Variants in ABCG2 observed in about 807,000 individuals in gnomAD.
The protein encoded by ABCG2 is broad substrate specificity ATP-binding cassette transporter ABCG2.
In ABCG2, 80 loss-of-function variants were observed where a neutral mutation model predicts 73.5. The ratio of observed to expected loss-of-function variants is 1.09; its 90% CI spans 0.91 to 1.31. ABCG2 has a LOEUF of 1.31. Ranked by LOEUF, ABCG2 falls within the 50% of genes most tolerant of loss-of-function variation. The probability of loss-of-function intolerance (pLI) is 0.00; values close to 1 mark genes in which losing one functional copy is unlikely to be tolerated. For missense variants in ABCG2, 796 were observed against 786.2 expected (o/e 1.01, Z -0.15); for synonymous variants, 269 against 282.4 (o/e 0.95, Z 0.48).
intron 10 of ABCG2, among the ~76,000 whole-genome samples, chr4:88,102,190 A>G (rs570628634): frequency 1.3e-5 from 2 of 152,332 alleles, no homozygotes; most frequent in South Asian, 4.1e-4. Context: ...AGGTTTCCAG[A>G]GTGCTCAGAG....
At chr4:88,092,450 C>T in intron 15 of ABCG2, 69 bp from the exon 16 acceptor site, 1 of 1,519,450 alleles carries the variant, frequency 6.6e-7, no homozygotes, top group South Asian at 1.3e-5. Flanking sequence ...AGTATATCCA[C>T]TGTTCCTTAA....
chr4:88,130,150 A>G (rs1407357309), intron 5 of ABCG2, among the ~76,000 whole-genome samples: 1 of 152,162 alleles, frequency 6.6e-6, no homozygotes, highest in Non-Finnish European at 1.5e-5. Flanking sequence ...GGGGTCCCCA[A>G]CTTCTGGGGA....
chr4:88,213,721 T>C lies in ABCG2; in HGVS notation c.-20+17273A>G, dbSNP rs149439387. Among the ~76,000 whole-genome samples, 24 of 152,130 alleles carry C rather than the reference T, an allele frequency of 1.6e-4. No individual in the cohort carries two copies. The South Asian group carries it at 2.3e-3, about 14-fold the overall frequency. On this transcript the variant is annotated intron_variant, in intron 1 of 15. Transcript: ENST00000515655. ...GTTTTTGAGACAGAGTCTTGCTCTG[T>C]CTCCAGGCTAGAGTGCAGTGGTGCG...
At chr4:88,130,386 T>C (rs574464207) in intron 5 of ABCG2, among the ~76,000 whole-genome samples, 1 of 151,834 alleles carries the variant, frequency 6.6e-6, no homozygotes, top group Non-Finnish European at 1.5e-5. Flanking sequence ...CACCCCCAAA[T>C]GGGACCATCT....
At chr4:88,161,138 C>T (rs1181797082), upstream of ABCG2, among the ~76,000 whole-genome samples, 3 of 151,212 alleles carry the variant, frequency 2.0e-5, no homozygotes, top group African/African-American at 7.3e-5. Flanking sequence ...ACACAGGGAG[C>T]CCCTGTCTCT....
intron 1 of ABCG2, among the ~76,000 whole-genome samples, chr4:88,225,148 G>T (rs545895434): frequency 5.9e-5 from 9 of 152,242 alleles, no homozygotes; most frequent in African/African-American, 2.2e-4. Context: ...TACAGCAGGG[G>T]TTGGTAAACT....
intron 9 of ABCG2, among the ~76,000 whole-genome samples, chr4:88,108,836 G>A (rs1722932104): frequency 6.6e-6 from 1 of 152,006 alleles, no homozygotes; most frequent in Non-Finnish European, 1.5e-5. Context: ...GAAATTTTGG[G>A]GGGAAATCCA....
rs762248204 is a variant in ABCG2, at chr4:88,113,376, CAGA to C, written c.1118_1120del (p.Phe373del). On this transcript the variant is annotated inframe_deletion, in exon 9 of 16. Transcript: ENST00000237612. ...CTTGGAAACCCATCTGAGTTGATGA[CAGA>C]AGGAGGTGGTGTAGCTGATCTCCTT... 50 of 1,614,052 alleles carry C rather than the reference CAGA, an allele frequency of 3.1e-5. No individual in the cohort carries two copies. The highest frequency in any genetic ancestry group is 4.1e-5 in the Non-Finnish European group (48 of 1,180,022).
intron 1 of ABCG2, among the ~76,000 whole-genome samples, chr4:88,211,438 A>T (rs1729595522): frequency 7.6e-6 from 1 of 131,076 alleles, no homozygotes; most frequent in Admixed American, 9.3e-5. Flanking sequence ...TCTTTTTGAG[A>T]TGGAGTCTCA....
intron 1 of ABCG2, among the ~76,000 whole-genome samples, chr4:88,172,294 C>CAAA (rs397815020): frequency 4.5e-5 from 6 of 133,776 alleles, no homozygotes; most frequent in Non-Finnish European, 8.0e-5. Flanking sequence ...AGCTCCGTCA[C>CAAA]AAAAAAAAAA....
In ABCG2 at chr4:88,125,406, A is replaced by G. The variant is rs192491356; in HGVS notation, c.532-3614T>C. On this transcript the variant is annotated intron_variant, in intron 5 of 15. Transcript: ENST00000237612. ...GGCGGATCATGAGGTCAGGAGATCA[A>G]GACCATCCTGGCTAACGTGGTGAAA... 4.6e-5 allele frequency among the ~76,000 whole-genome samples: 7 copies of G among 152,092 alleles called. No individual in the cohort carries two copies. In the East Asian group the frequency reaches 1.4e-3, roughly 29 times the overall value.
chr4:88,196,819 C>CT (rs1728954300), intron 1 of ABCG2, among the ~76,000 whole-genome samples: 1 of 151,362 alleles, frequency 6.6e-6, no homozygotes, highest in South Asian at 2.1e-4. Flanking sequence ...TAGCATCGGA[C>CT]TGCGCAGGGA....
At chr4:88,209,571 C>T (rs189943283) in intron 1 of ABCG2, among the ~76,000 whole-genome samples, 10 of 151,842 alleles carry the variant, frequency 6.6e-5, no homozygotes, top group African/African-American at 1.7e-4. Flanking sequence ...GCAGAAGAAT[C>T]GCTTGAACCT....
rs188296756 is a variant in ABCG2, at chr4:88,198,011, C to T, written c.-20+32983G>A. 2.7e-3 allele frequency among the ~76,000 whole-genome samples: 369 copies of T among 138,872 alleles called. 8 individuals are homozygous for T. The highest frequency in any genetic ancestry group is 0.026 in the Admixed American group (341 of 13,162). 91.1% of individuals were successfully genotyped at this position (138,872 alleles called of 152,430 possible). On this transcript the variant is annotated intron_variant, in intron 1 of 15. Coordinates refer to the ABCG2 transcript ENST00000515655. ...CACCACTGCACTCCAGCCTGAGTGA[C>T]GGAGCAAGACTGTCTCCAAAAAAAA...
chr4:88,123,690 T>C (rs1724179048), intron 5 of ABCG2, among the ~76,000 whole-genome samples: 3 of 152,274 alleles, frequency 2.0e-5, no homozygotes, highest in East Asian at 1.9e-4. Context: ...CTACGTTTTA[T>C]TGGTGTACCT....
In ABCG2 at chr4:88,090,360, A is replaced by G. The variant is rs539639015; in HGVS notation, c.*1874T>C. Reference sequence around the variant, plus strand: ...TTTTGTGTAAAAAGTATAGATAGATATTTCTCTCTGTGTAATAAGGGAAGG... The same window carrying G: ...TTTTGTGTAAAAAGTATAGATAGATGTTTCTCTCTGTGTAATAAGGGAAGG... On this transcript the variant is annotated 3_prime_UTR_variant, in exon 16 of 16. Coordinates refer to ENST00000237612, the MANE Select transcript of ABCG2 (RefSeq NM_004827.3). The G allele has an allele frequency of 3.0e-4, 46 of 152,244 alleles. 1 individual carries two copies. The highest frequency in any genetic ancestry group is 1.1e-3 in the African/African-American group (44 of 41,542). The allele number at this position is 152,244 out of a possible 1,614,324, so 9.4% of individuals were successfully genotyped here.
rs1425415650 is a variant in ABCG2 at position 88,095,599 on chromosome 4, C to T, written c.1658G>A (p.Gly553Asp). 1 of 1,613,550 alleles carries T rather than the reference C, an allele frequency of 6.2e-7. No homozygotes were observed. Among genetic ancestry groups the T allele is most frequent in the East Asian group, 2.2e-5 (1 of 44,840 alleles). The change falls in exon 14 of 16, where the codon GGT becomes GAT. Residue 553 changes from glycine (G) to aspartate (D), a missense_variant. By Grantham distance (94) the Gly-to-Asp change is moderately conservative (BLOSUM62 -1). Coordinates refer to ENST00000237612, the MANE Select transcript of ABCG2 (RefSeq NM_004827.3). ...ICFVFMMIFS[G>D]LLVNLTTIAS... ...AATGGTTGTGAGATTGACCAACAGACCTGAAAAAATCTACAAAAAGCAAAT... is the reference window on the plus strand; with the variant it reads ...AATGGTTGTGAGATTGACCAACAGATCTGAAAAAATCTACAAAAAGCAAAT...
intron 1 of ABCG2, chr4:88,226,602 T>C (rs1303485016): frequency 6.6e-6 from 1 of 152,264 alleles, no homozygotes; most frequent in Non-Finnish European, 1.5e-5. Context: ...TCTCATTTTA[T>C]AGATTAGGCA....
intron 1 of ABCG2, among the ~76,000 whole-genome samples, chr4:88,202,277 G>A (rs1284484004): frequency 1.4e-5 from 2 of 146,590 alleles, no homozygotes; most frequent in African/African-American, 2.5e-5. Flanking sequence ...TTGGGAGGTC[G>A]AGGCAGGGGG....
Sources: allele counts gnomAD v4.1 joint callset (sites outside exome capture counted in the v4.1 genomes callset), GRCh38; gene constraint gnomAD v4.1.1; transcripts MANE v1.5; gene names NCBI Gene and HGNC (gene_info 2026-07-23, HGNC 2026-07-21).